ENTREP2: variants seen among roughly 807,000 people sequenced by gnomAD.
The protein encoded by ENTREP2 is protein ENTREP2.
chr15:29,530,026 C>T, the ENTREP2 span, among the ~76,000 whole-genome samples: 27 of 152,308 alleles, frequency 1.8e-4, no homozygotes, highest in African/African-American at 6.0e-4. Flanking sequence ...CCACCTAAAG[C>T]TCCATTCTGA....
the ENTREP2 span, among the ~76,000 whole-genome samples, chr15:29,197,944 CAAAT>C: frequency 4.6e-5 from 7 of 152,098 alleles, no homozygotes; most frequent in African/African-American, 1.7e-4. Context: ...ATAACCATAA[CAAAT>C]AATTTTTCAT....
chr15:29,345,604 G>T, the ENTREP2 span, among the ~76,000 whole-genome samples: 3 of 152,206 alleles, frequency 2.0e-5, no homozygotes, highest in Middle Eastern at 3.4e-3. Context: ...GGACAGTTCT[G>T]GGACATTCTG....
the ENTREP2 span, among the ~76,000 whole-genome samples, chr15:29,178,305 A>G: frequency 1.9e-4 from 29 of 151,856 alleles, no homozygotes; most frequent in East Asian, 5.2e-3. Flanking sequence ...AAAAAAAAAA[A>G]AAAAAGAAAG....
the ENTREP2 span, among the ~76,000 whole-genome samples, chr15:29,146,602 T>TAC: frequency 2.0e-5 from 3 of 152,182 alleles, no homozygotes; most frequent in Admixed American, 6.5e-5. Flanking sequence ...GCTGGACCCC[T>TAC]ACCTCACACA....
chr15:29,626,120 T>G, the ENTREP2 span, among the ~76,000 whole-genome samples: 8 of 152,302 alleles, frequency 5.3e-5, no homozygotes, highest in African/African-American at 1.9e-4. Context: ...CTTAGAATGG[T>G]TTCTTCATGT....
the ENTREP2 span, among the ~76,000 whole-genome samples, chr15:29,673,626 T>C: frequency 6.6e-6 from 1 of 152,218 alleles, no homozygotes; most frequent in Admixed American, 6.5e-5. Context: ...AGTCTCCAGA[T>C]GCATGACTCC....
At chr15:29,472,715 T>C in the ENTREP2 span, among the ~76,000 whole-genome samples, 1 of 152,178 alleles carries the variant, frequency 6.6e-6, no homozygotes, top group African/African-American at 2.4e-5. Flanking sequence ...TCCATCTGCC[T>C]TGGCCTCCCA....
the ENTREP2 span, among the ~76,000 whole-genome samples, chr15:29,630,611 C>T: frequency 6.0e-3 from 914 of 152,262 alleles, 9 homozygotes; most frequent in African/African-American, 0.021. Flanking sequence ...ATGACATAAA[C>T]GCTAGTTCTT....
chr15:29,148,586 A>AT, the ENTREP2 span, among the ~76,000 whole-genome samples: 1 of 152,124 alleles, frequency 6.6e-6, no homozygotes, highest in Non-Finnish European at 1.5e-5. Flanking sequence ...TTTTTTATTT[A>AT]TATTTTTGTT....
the ENTREP2 span, among the ~76,000 whole-genome samples, chr15:29,619,394 AAAAT>A: frequency 6.6e-6 from 1 of 152,112 alleles, no homozygotes; most frequent in Non-Finnish European, 1.5e-5. Flanking sequence ...CTCCATCTCA[AAAAT>A]AAATAAATAA....
At chr15:29,639,581 T>C in the ENTREP2 span, among the ~76,000 whole-genome samples, 1 of 151,726 alleles carries the variant, frequency 6.6e-6, no homozygotes, top group Non-Finnish European at 1.5e-5. Context: ...ATACTTATAA[T>C]AACAAAGAAA....
At chr15:29,256,000 CAAAAAA>C in the ENTREP2 span, among the ~76,000 whole-genome samples, 1 of 112,464 alleles carries the variant, frequency 8.9e-6, no homozygotes, top group Non-Finnish European at 1.8e-5. Context: ...GAGTCCGTCT[CAAAAAA>C]AAAAAAAAAA....
chr15:29,451,022 G>A, the ENTREP2 span, among the ~76,000 whole-genome samples: 1 of 151,602 alleles, frequency 6.6e-6, no homozygotes, highest in African/African-American at 2.4e-5. Flanking sequence ...TTAGTACTCA[G>A]GTGAGGAAAT....
At chr15:29,647,804 C>T in the ENTREP2 span, among the ~76,000 whole-genome samples, 2 of 152,098 alleles carry the variant, frequency 1.3e-5, no homozygotes, top group Non-Finnish European at 2.9e-5. Context: ...CAAGTGGCTA[C>T]ATATGATAAA....
At chr15:29,487,151 T>G in the ENTREP2 span, among the ~76,000 whole-genome samples, 1 of 152,138 alleles carries the variant, frequency 6.6e-6, no homozygotes, top group Non-Finnish European at 1.5e-5. Flanking sequence ...CCCATAAATA[T>G]GTACAGTTAT....
the ENTREP2 span, among the ~76,000 whole-genome samples, chr15:29,559,830 G>A: frequency 2.6e-5 from 4 of 152,098 alleles, no homozygotes; most frequent in South Asian, 2.1e-4. Flanking sequence ...TTTTTGCCAT[G>A]TGAGACACAG....
chr15:29,221,508 G>A, the ENTREP2 span, among the ~76,000 whole-genome samples: 1 of 152,040 alleles, frequency 6.6e-6, no homozygotes, highest in Non-Finnish European at 1.5e-5. Context: ...CACTTTCAAG[G>A]ACAGCTTAGC....
the ENTREP2 span, among the ~76,000 whole-genome samples, chr15:29,607,771 T>A: frequency 6.7e-6 from 1 of 149,094 alleles, no homozygotes; most frequent in African/African-American, 2.5e-5. Context: ...CAGGGTTCCC[T>A]AGGGGGACAG....
the ENTREP2 span, among the ~76,000 whole-genome samples, chr15:29,291,596 C>A: frequency 6.6e-6 from 1 of 152,312 alleles, no homozygotes; most frequent in Non-Finnish European, 1.5e-5. Context: ...CAGCTCTCAG[C>A]ATGGTGGATA....
Sources: gnomAD v4.1 joint callset for allele counts (sites outside exome capture counted in the v4.1 genomes callset) on GRCh38, gnomAD v4.1.1 for gene constraint, MANE v1.5 for transcripts, NCBI Gene and HGNC (gene_info 2026-07-23, HGNC 2026-07-21) for gene names.